The following PCDHA5 variants were observed in gnomAD, a reference collection of about 807,000 sequenced individuals.
PCDHA5 encodes the protein protocadherin alpha-5.
Under a neutral mutation model 61.6 loss-of-function variants are expected in PCDHA5, and 43 were observed. That is an observed-to-expected ratio of 0.70 (90% CI 0.55 to 0.90). The LOEUF is 0.90. PCDHA5 is among the 40% of genes least tolerant of loss of function. PCDHA5 has a pLI of 0.00. For missense variants in PCDHA5, 1,298 were observed against 1,222.7 expected (o/e 1.06, Z -0.92); for synonymous variants, 627 against 543.9 (o/e 1.15, Z -2.13).
intron 1 of PCDHA5, chr5:140,968,520 C>A: frequency 6.2e-7 from 1 of 1,614,194 alleles, no homozygotes; most frequent in Non-Finnish European, 8.5e-7. Flanking sequence ...CCTACCTCAA[C>A]CAACTCGTCA....
intron 1 of PCDHA5, chr5:140,842,463 C>T (rs1554139058): frequency 1.9e-6 from 3 of 1,613,672 alleles, no homozygotes; most frequent in Admixed American, 3.3e-5. Flanking sequence ...GATTCAGGTG[C>T]CAACGGGCAG....
intron 1 of PCDHA5, chr5:140,869,781 T>C (rs781934601): frequency 6.2e-7 from 1 of 1,612,992 alleles, no homozygotes; most frequent in South Asian, 1.1e-5. Context: ...CTGGCACCGT[T>C]CGGCTGTTAG....
intron 1 of PCDHA5, chr5:140,848,571 G>A: frequency 6.3e-7 from 1 of 1,595,628 alleles, no homozygotes; most frequent in South Asian, 1.1e-5. Context: ...AATGTGGGTG[G>A]TGGGGAGCGG....
In PCDHA5 at chr5:140,822,017, G is replaced by T. The variant is rs2150112982; in HGVS notation, c.242G>T (p.Gly81Val). 2 of 1,614,172 alleles carry T rather than the reference G, an allele frequency of 1.2e-6. No individual in the cohort carries two copies. The highest frequency in any genetic ancestry group is 1.1e-5 in the South Asian group (1 of 91,082). ...GDLLEVNLQN[G>V]ILFVNSRIDR... ...CTTCTGGAGGTAAATCTGCAGAATG[G>T]CATTTTGTTTGTGAATTCTCGGATC... is the stretch of plus-strand genomic sequence containing the variant. Residue 81 changes from glycine to valine, a missense_variant, in exon 1 of 4, where the codon GGC (glycine) becomes GTC (valine). Gly to Val is a moderately radical substitution (Grantham distance 109). Coordinates refer to ENST00000529859, the MANE Select transcript of PCDHA5 (RefSeq NM_018908.3).
At chr5:140,827,461 C>T (rs1769301582) in intron 1 of PCDHA5, among the ~76,000 whole-genome samples, 1 of 152,194 alleles carries the variant, frequency 6.6e-6, no homozygotes, top group Admixed American at 6.5e-5. Context: ...TTAAGAGCAT[C>T]TGATATTTAT....
intron 1 of PCDHA5, chr5:140,876,201 T>C: frequency 1.9e-6 from 3 of 1,613,952 alleles, no homozygotes; most frequent in Non-Finnish European, 1.7e-6. Flanking sequence ...CGGCGTTTGA[T>C]AAGCCCAGCT....
chr5:140,891,225 T>C (rs1554184733), intron 1 of PCDHA5, among the ~76,000 whole-genome samples: 1 of 152,222 alleles, frequency 6.6e-6, no homozygotes, highest in Non-Finnish European at 1.5e-5. Context: ...TTTATAATCA[T>C]CCTGTTCTGG....
intron 1 of PCDHA5, among the ~76,000 whole-genome samples, chr5:140,946,349 G>A (rs1412325014): frequency 6.6e-6 from 1 of 151,910 alleles, no homozygotes; most frequent in Non-Finnish European, 1.5e-5. Flanking sequence ...TGGAGAGGAT[G>A]TGGAGAAAAG....
Position 140,956,288 on chromosome 5 carries a change from C to A in PCDHA5, c.2353-22661C>A, listed in dbSNP as rs115259112. The stretch of plus-strand genomic sequence containing the variant: ...AGTGTGGTATTGGCTGTGGGTTTAT[C>A]ATATATATGGCTCTTATTATTTTGA... On this transcript the variant is annotated intron_variant, in intron 1 of 3. Transcript: ENST00000529859. Among the ~76,000 whole-genome samples, 994 of 152,174 alleles carry A rather than the reference C, an allele frequency of 6.5e-3. 6 individuals carry two copies. Among genetic ancestry groups the A allele is most frequent in the African/African-American group, 0.022 (916 of 41,532 alleles).
chr5:140,861,529 A>G, intron 1 of PCDHA5: 1 of 450,984 alleles, frequency 2.2e-6, no homozygotes, highest in Non-Finnish European at 4.6e-6. Flanking sequence ...AGGATCTCGG[A>G]GTGCAGCATC....
intron 1 of PCDHA5, chr5:140,829,720 G>C: frequency 6.2e-7 from 1 of 1,613,502 alleles, no homozygotes; most frequent in Non-Finnish European, 8.5e-7. Flanking sequence ...CGGGCGTGCC[G>C]CCTCTGGGCA....
chr5:140,969,251 A>G, intron 1 of PCDHA5: 1 of 1,614,262 alleles, frequency 6.2e-7, no homozygotes, highest in South Asian at 1.1e-5. Flanking sequence ...AGTGACTGAC[A>G]GCAGGAATCT....
rs2150115154 is a variant in PCDHA5 at position 140,822,280 on chromosome 5, T to C, written c.505T>C (p.Tyr169His). ...LDIGANAQLRYRLNPNEYFDL... is the reference protein window; with the variant it reads ...LDIGANAQLRHRLNPNEYFDL... ...TATTGGAGCAAATGCACAATTGAGATACAGGTTAAATCCAAACGAATATTT... is the reference window on the plus strand; with the variant it reads ...TATTGGAGCAAATGCACAATTGAGACACAGGTTAAATCCAAACGAATATTT... Residue 169 changes from tyrosine (Y) to histidine (H), a missense_variant, in exon 1 of 4, where the codon TAC (tyrosine) becomes CAC (histidine). Coordinates refer to ENST00000529859, the MANE Select transcript of PCDHA5 (RefSeq NM_018908.3). The C allele has an allele frequency of 1.9e-6, 3 of 1,614,128 alleles. No individual in the cohort carries two copies. The highest frequency in any genetic ancestry group is 2.5e-6 in the Non-Finnish European group (3 of 1,180,052).
At position 140,969,430 on chromosome 5, in the gene PCDHA5, A is replaced by T. The variant is rs1554231789; in HGVS notation, c.2353-9519A>T. 4 of 1,554,706 alleles carry T rather than the reference A, an allele frequency of 2.6e-6. No homozygotes were observed. The Admixed American group carries it at 7.8e-5, about 30-fold the overall frequency. ...CTTTATTGAGTCATTAACAGTGACA[A>T]GAGTTATCTGGTAAACTGAGTATAT... On this transcript the variant is annotated intron_variant, in intron 1 of 3. Transcript: ENST00000529859.
chr5:140,938,698 T>C (rs1430283682), intron 1 of PCDHA5, among the ~76,000 whole-genome samples: 1 of 152,194 alleles, frequency 6.6e-6, no homozygotes, highest in East Asian at 1.9e-4. Context: ...TTTTTAAATA[T>C]ATGTTTATGA....
At chr5:140,944,406 C>A (rs1003379783) in intron 1 of PCDHA5, among the ~76,000 whole-genome samples, 1 of 152,084 alleles carries the variant, frequency 6.6e-6, no homozygotes, top group Non-Finnish European at 1.5e-5. Context: ...AGGCTGGTCT[C>A]GAACTCCTGA....
intron 1 of PCDHA5, chr5:140,884,015 C>T: frequency 6.2e-7 from 1 of 1,613,158 alleles, no homozygotes. Flanking sequence ...GCTGATGCCG[C>T]GGTCGGTGGG....
At chr5:140,843,659 C>A in intron 1 of PCDHA5, 1 of 1,594,466 alleles carries the variant, frequency 6.3e-7, no homozygotes, top group Non-Finnish European at 8.6e-7. Context: ...TCCTCCTGAT[C>A]TGGGATCAGT....
chr5:140,824,313 A>G (rs2150134040), intron 1 of PCDHA5, 186 bp downstream of exon 1: 2 of 757,082 alleles, frequency 2.6e-6, no homozygotes, highest in Middle Eastern at 4.8e-4. Flanking sequence ...TAATAGATTC[A>G]TCAGCTTTCT....
Sources: gnomAD v4.1 joint callset for allele counts (sites outside exome capture counted in the v4.1 genomes callset) on GRCh38, gnomAD v4.1.1 for gene constraint, MANE v1.5 for transcripts, NCBI Gene and HGNC (gene_info 2026-07-23, HGNC 2026-07-21) for gene names.